Variants in SIK3 observed in about 807,000 individuals in gnomAD.
SIK3 encodes the protein serine/threonine-protein kinase SIK3.
In SIK3, 28 loss-of-function variants were observed where a neutral mutation model predicts 144.2. The observed-to-expected ratio is 0.19, with a 90% CI of 0.14 to 0.27. SIK3 has a LOEUF of 0.27. SIK3 is among the 10% of genes least tolerant of loss of function. SIK3 has a pLI of 1.00. For missense variants in SIK3, 1,319 were observed against 1,776.0 expected, an observed-to-expected ratio of 0.74 and a Z score of 4.62; for synonymous variants, 686 against 676.3, an observed-to-expected ratio of 1.01 and a Z score of -0.22.
At chr11:117,066,161 C>G (rs556517879) in intron 1 of SIK3, among the ~76,000 whole-genome samples, 1 of 151,318 alleles carries the variant, frequency 6.6e-6, no homozygotes, top group Admixed American at 6.6e-5. Flanking sequence ...CCTCCGCCTC[C>G]GGATTCAAGT....
At chr11:117,026,730 G>A (rs1226727148) in intron 1 of SIK3, among the ~76,000 whole-genome samples, 2 of 152,154 alleles carry the variant, frequency 1.3e-5, no homozygotes, top group Non-Finnish European at 2.9e-5. Context: ...AGCCTTACGT[G>A]GACAATGAAG....
intron 1 of SIK3, among the ~76,000 whole-genome samples, chr11:117,030,899 G>A (rs906313373): frequency 5.3e-5 from 8 of 152,114 alleles, no homozygotes; most frequent in Non-Finnish European, 1.2e-4. Flanking sequence ...GTTCCCTAAC[G>A]GCTAATGATG....
rs1217669080 is a variant in SIK3, at chr11:116,992,316, C to T, written c.274-35252G>A. ...CTCCAGCCTGGGCAACAGAGCAAGA[C>T]CCCCCCCCCCAAAAAAAAACACCTC... On this transcript the variant is annotated intron_variant, in intron 1 of 24. Transcript: ENST00000445177. Among the ~76,000 whole-genome samples the T allele has an allele frequency of 1.6e-4, 11 of 67,714 alleles. No individual in the cohort carries two copies. In the East Asian group the frequency reaches 4.2e-3, roughly 26 times the overall value. 44.4% of individuals were successfully genotyped at this position (67,714 alleles called of 152,430 possible).
chr11:116,850,004 C>T (rs987714038), intron 21 of SIK3, among the ~76,000 whole-genome samples: 2 of 152,204 alleles, frequency 1.3e-5, no homozygotes, highest in African/African-American at 4.8e-5. Flanking sequence ...TCCCCCATAA[C>T]CTGCTACTCC....
intron 1 of SIK3, among the ~76,000 whole-genome samples, chr11:117,013,548 A>G (rs954718583): frequency 1.3e-5 from 2 of 152,112 alleles, no homozygotes; most frequent in Non-Finnish European, 2.9e-5. Flanking sequence ...TTTTTGAAAA[A>G]CTAAGTTAAA....
intron 1 of SIK3, among the ~76,000 whole-genome samples, chr11:117,039,709 T>G (rs1166187496): frequency 6.6e-6 from 1 of 152,254 alleles, no homozygotes; most frequent in Non-Finnish European, 1.5e-5. Context: ...GCACTTAATA[T>G]GTAGTAGGTA....
chr11:116,847,677 C>G (rs1942087718), intron 22 of SIK3, 69 bp from the exon 23 acceptor site: 1 of 1,597,158 alleles, frequency 6.3e-7, no homozygotes, highest in African/African-American at 1.3e-5. Context: ...CTAGAGACAG[C>G]TGGTCCTTCT....
In SIK3 at chr11:117,014,974, G is replaced by A. The variant is rs151255648; in HGVS notation, c.274-57910C>T. On this transcript the variant is annotated intron_variant, in intron 1 of 24. Coordinates refer to ENST00000445177, the MANE Select transcript of SIK3 (RefSeq NM_001366686.3). ...AGCTACTCAGGAGGCTGAGGCAGGA[G>A]GATCACTTGAGCCCAGGAAGTTGAG... Among the ~76,000 whole-genome samples, 787 of 152,226 alleles carry A rather than the reference G, an allele frequency of 5.2e-3. 12 individuals are homozygous for A. Among genetic ancestry groups the A allele is most frequent in the African/African-American group, 0.018 (741 of 41,522 alleles).
At chr11:116,856,734 C>G (rs1942957307) in intron 21 of SIK3, among the ~76,000 whole-genome samples, 1 of 152,212 alleles carries the variant, frequency 6.6e-6, no homozygotes, top group African/African-American at 2.4e-5. Context: ...TGAGTACAAC[C>G]TGGCACCACC....
At chr11:117,053,933 C>G (rs927533351) in intron 1 of SIK3, among the ~76,000 whole-genome samples, 3 of 151,980 alleles carry the variant, frequency 2.0e-5, no homozygotes, top group Admixed American at 2.0e-4. Flanking sequence ...AGATGTGAGC[C>G]ACCACACCCA....
intron 1 of SIK3, among the ~76,000 whole-genome samples, chr11:117,066,073 C>CTTT (rs5795060): frequency 0.085 from 11,888 of 140,532 alleles, 691 homozygotes; most frequent in South Asian, 0.16. Flanking sequence ...TTCTTTTCTT[C>CTTT]TTTTTTTTTT....
intron 6 of SIK3, among the ~76,000 whole-genome samples, chr11:116,892,898 A>C (rs909676151): frequency 3.3e-5 from 5 of 152,346 alleles, no homozygotes; most frequent in South Asian, 2.1e-4. Flanking sequence ...ACGGGCTCTC[A>C]AGCCATGAAG....
At chr11:116,970,954 ATCTAGTTTTACAGTGCTATATAATG>A (rs1949746133) in intron 1 of SIK3, among the ~76,000 whole-genome samples, 1 of 152,178 alleles carries the variant, frequency 6.6e-6, no homozygotes, top group African/African-American at 2.4e-5. Context: ...GCCCTAAGTC[ATCTAGTTTTACAGTGCTATATAATG>A]TAGGACCATA....
intron 4 of SIK3, among the ~76,000 whole-genome samples, chr11:116,898,422 C>T (rs1182699382): frequency 6.6e-6 from 1 of 151,438 alleles, no homozygotes; most frequent in Non-Finnish European, 1.5e-5. Context: ...GTGAATAGTG[C>T]CGCAATAAAC....
At chr11:116,847,436 AGGAACTTCTCTGG>A in intron 23 of SIK3, 27 bp downstream of exon 23, 1 of 1,612,874 alleles carries the variant, frequency 6.2e-7, no homozygotes, top group South Asian at 1.1e-5. Flanking sequence ...AGGCCCCTCC[AGGAACTTCTCTGG>A]AGTGCCCCAT....
At chr11:116,891,809 T>C (rs1945131818) in intron 6 of SIK3, among the ~76,000 whole-genome samples, 1 of 151,930 alleles carries the variant, frequency 6.6e-6, no homozygotes, top group African/African-American at 2.4e-5. Flanking sequence ...CAGGAATCCA[T>C]ATAATTGGCT....
At chr11:116,896,399 G>A (rs375518474) in intron 5 of SIK3, 23 bp from the exon 6 acceptor site, 5 of 1,610,724 alleles carry the variant, frequency 3.1e-6, no homozygotes, top group African/African-American at 1.3e-5. Context: ...CAGAGAGGAT[G>A]TACAATTAAT....
intron 21 of SIK3, among the ~76,000 whole-genome samples, chr11:116,852,497 G>A (rs1160545545): frequency 2.0e-5 from 3 of 152,240 alleles, no homozygotes; most frequent in African/African-American, 7.2e-5. Context: ...TGGCTTAGCT[G>A]CTTCCTGAGG....
chr11:116,893,993 TA>T (rs1945268146), intron 6 of SIK3: 1 of 167,024 alleles, frequency 6.0e-6, no homozygotes, highest in Non-Finnish European at 1.5e-5. Flanking sequence ...TGTGGGGGGA[TA>T]AAAAAGAAAC....
Sources: gnomAD v4.1 joint callset for allele counts (sites outside exome capture counted in the v4.1 genomes callset) on GRCh38, gnomAD v4.1.1 for gene constraint, MANE v1.5 for transcripts, NCBI Gene and HGNC (gene_info 2026-07-23, HGNC 2026-07-21) for gene names.